Variants in PCDHA7 observed in about 807,000 individuals in gnomAD.
The protein encoded by PCDHA7 is protocadherin alpha-7.
PCDHA7 carries 37 observed loss-of-function variants against 57.2 expected under a neutral mutation model. That is an observed-to-expected ratio of 0.65 (90% CI 0.50 to 0.85). PCDHA7 has a LOEUF of 0.85. Among genes scored for constraint, PCDHA7 ranks in the 40% least tolerant of loss-of-function variants. The pLI is 0.00. For missense variants in PCDHA7, 1,188 were observed against 1,241.8 expected (o/e 0.96, Z 0.65); for synonymous variants, 553 against 558.8 (o/e 0.99, Z 0.15).
At chr5:140,968,644 G>C (rs1554230935) in intron 1 of PCDHA7, 3 of 1,614,046 alleles carry the variant, frequency 1.9e-6, no homozygotes, top group African/African-American at 2.7e-5. Context: ...ATCTAGCCCA[G>C]ACTTCTGACC....
chr5:140,849,774 G>GTA (rs2150449432), intron 1 of PCDHA7: 1 of 1,598,482 alleles, frequency 6.3e-7, no homozygotes, highest in Non-Finnish European at 8.6e-7. Context: ...GGTGGTTACC[G>GTA]CGCGGGACGG....
In PCDHA7 at chr5:140,927,203, C is replaced by T. The variant is rs782141467; in HGVS notation, c.2356-51746C>T. ...ACCTACGACCTGGTGCTCGAGGACC[C>T]GCTGGAGCTGCACAAGATTCGGATT... On this transcript the variant is annotated intron_variant, in intron 1 of 3. Transcript: ENST00000525929. 65 of 1,614,104 alleles carry T rather than the reference C, an allele frequency of 4.0e-5. No homozygotes were observed. Among genetic ancestry groups the T allele is most frequent in the Non-Finnish European group, 5.1e-5 (60 of 1,180,040 alleles).
intron 1 of PCDHA7, among the ~76,000 whole-genome samples, chr5:140,955,553 C>A (rs782183120): frequency 2.6e-5 from 4 of 152,088 alleles, no homozygotes; most frequent in Non-Finnish European, 5.9e-5. Flanking sequence ...TGAGGCCTCC[C>A]CAGCCATACT....
chr5:140,870,654 C>T lies in PCDHA7; in HGVS notation c.2355+33916C>T, dbSNP rs781878209. 10 of 1,612,444 alleles carry T rather than the reference C, an allele frequency of 6.2e-6. No homozygotes were observed. The African/African-American group carries it at 8.0e-5, about 13-fold the overall frequency. ...TGCACGCGGAGAGCGGCAAGGTGTACGCGCTGCAGCCGTTGGACCACGAGG... is the reference window on the plus strand; with the variant it reads ...TGCACGCGGAGAGCGGCAAGGTGTATGCGCTGCAGCCGTTGGACCACGAGG... On this transcript the variant is annotated intron_variant, in intron 1 of 3. Transcript: ENST00000525929.
At chr5:140,956,650 GATGCTGGCCTTA>G (rs2095299191) in intron 1 of PCDHA7, among the ~76,000 whole-genome samples, 1 of 152,154 alleles carries the variant, frequency 6.6e-6, no homozygotes, top group Non-Finnish European at 1.5e-5. Context: ...GTATCAGGAT[GATGCTGGCCTTA>G]AAGGAGTTAG....
intron 1 of PCDHA7, chr5:140,850,866 G>T: frequency 6.3e-7 from 1 of 1,592,796 alleles, no homozygotes; most frequent in Non-Finnish European, 8.6e-7. Flanking sequence ...AGAACCCTCT[G>T]CTTCCTCAGA....
At chr5:140,972,625 G>A (rs2096544051) in intron 1 of PCDHA7, among the ~76,000 whole-genome samples, 1 of 151,044 alleles carries the variant, frequency 6.6e-6, no homozygotes, top group African/African-American at 2.4e-5. Flanking sequence ...AATGTTGTTG[G>A]CACTCCCTTC....
intron 1 of PCDHA7, chr5:140,877,670 C>A: frequency 6.2e-7 from 1 of 1,613,654 alleles, no homozygotes; most frequent in Non-Finnish European, 8.5e-7. Flanking sequence ...AGCCGGTGCG[C>A]GCCGGGCAAG....
Position 141,009,632 on chromosome 5 carries a change from G to A in PCDHA7, c.2509G>A (p.Glu837Lys). 1 of 1,613,032 alleles carries A rather than the reference G, an allele frequency of 6.2e-7. No individual in the cohort carries two copies. Among genetic ancestry groups the A allele is most frequent in the Non-Finnish European group, 8.5e-7 (1 of 1,179,354 alleles). The change falls in exon 4 of 4, where the codon GAG (glutamate) becomes AAG (lysine). Residue 837 changes from glutamate to lysine, a missense_variant. This residue lies in a region of PCDHA7 where 892 missense variants were observed against 788.5 expected (regional missense o/e 1.13). Transcript: ENST00000525929. The stretch of plus-strand genomic sequence containing the variant: ...TGTAATGTTTTGTCTTTCAGAACCA[G>A]AGGCAGGAGAAGTGTCCCCTCCAGT... ...PTVSSATPEP[E>K]AGEVSPPVGA...
intron 3 of PCDHA7, among the ~76,000 whole-genome samples, chr5:140,983,914 AGGATT>A (rs1327360241): frequency 6.6e-6 from 1 of 152,244 alleles, no homozygotes; most frequent in Non-Finnish European, 1.5e-5. Flanking sequence ...CTAATCAGCC[AGGATT>A]TGCTATTTAT....
Position 140,946,375 on chromosome 5 carries a change from G to A in PCDHA7, c.2356-32574G>A, listed in dbSNP as rs531638250. Among the ~76,000 whole-genome samples, 14 of 151,710 alleles carry A rather than the reference G, an allele frequency of 9.2e-5. No homozygotes were observed. In the South Asian group the frequency reaches 2.9e-3, roughly 32 times the overall value. On this transcript the variant is annotated intron_variant, in intron 1 of 3. Transcript: ENST00000525929. ...TGGAGAAAAGGGAACTCTTGCACACGGTTGGTAGGAATGTAAATTAGTACA... is the reference window on the plus strand; with the variant it reads ...TGGAGAAAAGGGAACTCTTGCACACAGTTGGTAGGAATGTAAATTAGTACA...
At position 140,856,409 on chromosome 5, in the gene PCDHA7, G is replaced by A; in HGVS notation, c.2355+19671G>A. 1.3e-6 allele frequency: 2 copies of A among 1,598,530 alleles called. 1 individual carries two copies. Among genetic ancestry groups the A allele is most frequent in the Non-Finnish European group, 1.7e-6 (2 of 1,167,974 alleles). On this transcript the variant is annotated intron_variant, in intron 1 of 3. Coordinates refer to ENST00000525929, the MANE Select transcript of PCDHA7 (RefSeq NM_018910.3). ...GCTGCAGGTTTTCCATGTGGACGTG[G>A]AAGTGAAGGACATTAACGACAACCC...
At chr5:141,002,923 C>A (rs1261794185) in intron 3 of PCDHA7, among the ~76,000 whole-genome samples, 2 of 152,220 alleles carry the variant, frequency 1.3e-5, no homozygotes, top group Non-Finnish European at 2.9e-5. Flanking sequence ...AAAGTGAACA[C>A]CCTCCAACAC....
intron 1 of PCDHA7, among the ~76,000 whole-genome samples, chr5:140,911,992 A>T (rs904624481): frequency 6.6e-6 from 1 of 152,342 alleles, no homozygotes; most frequent in East Asian, 1.9e-4. Flanking sequence ...ACAAGGTCCC[A>T]CAATAGGCCA....
rs976104418 is a variant in PCDHA7 at position 140,967,290 on chromosome 5, C to G, written c.2356-11659C>G. The G allele has an allele frequency of 3.1e-6, 5 of 1,612,712 alleles. No individual in the cohort carries two copies. In the African/African-American group the frequency reaches 5.3e-5, roughly 17 times the overall value. ...TTTCACATAGAGAGTGCGCAGGACC[C>G]CGACGTGGGCGCCAACTCAGTACAG... On this transcript the variant is annotated intron_variant, in intron 1 of 3. Coordinates refer to ENST00000525929, the MANE Select transcript of PCDHA7 (RefSeq NM_018910.3).
intron 1 of PCDHA7, chr5:140,852,775 T>G (rs1554146101): frequency 1.0e-6 from 1 of 980,592 alleles, no homozygotes; most frequent in African/African-American, 1.8e-5. Context: ...TTATTTGATG[T>G]GAATAGAGGG....
At chr5:140,937,085 T>G (rs1386368270) in intron 1 of PCDHA7, among the ~76,000 whole-genome samples, 2 of 150,536 alleles carry the variant, frequency 1.3e-5, no homozygotes, top group African/African-American at 4.9e-5. Context: ...TCGCCCAGGC[T>G]GGAGTGCAGT....
chr5:140,922,700 A>G (rs1447566146), intron 1 of PCDHA7, among the ~76,000 whole-genome samples: 1 of 152,256 alleles, frequency 6.6e-6, no homozygotes, highest in Non-Finnish European at 1.5e-5. Context: ...GCTTCCATAC[A>G]GTCAAGAACA....
chr5:140,898,392 T>G (rs1464159946), intron 1 of PCDHA7, among the ~76,000 whole-genome samples: 3 of 152,224 alleles, frequency 2.0e-5, no homozygotes, highest in African/African-American at 7.2e-5. Flanking sequence ...GGATCCAGTT[T>G]CAGCTTTCTA....
Sources: allele counts gnomAD v4.1 joint callset (sites outside exome capture counted in the v4.1 genomes callset), GRCh38; gene constraint gnomAD v4.1.1; regional missense constraint gnomAD v4.1.1; transcripts MANE v1.5; gene names NCBI Gene and HGNC (gene_info 2026-07-23, HGNC 2026-07-21).